The following CENPW variants were observed in gnomAD, a reference collection of about 807,000 sequenced individuals.
CENPW encodes the protein centromere protein W.
Under a neutral mutation model 11.1 loss-of-function variants are expected in CENPW, and 3 were observed. The ratio of observed to expected loss-of-function variants is 0.27; its 90% confidence interval spans 0.12 to 0.70. The LOEUF is 0.70. CENPW is among the 30% of genes least tolerant of loss of function. The probability of loss-of-function intolerance (pLI) is 0.77; values close to 1 mark genes in which losing one functional copy is unlikely to be tolerated. For synonymous variants in CENPW, 38 were observed against 42.0 expected, an observed-to-expected ratio of 0.91 and a Z score of 0.37; for missense variants, 100 against 105.6, an observed-to-expected ratio of 0.95 and a Z score of 0.23.
At chr6:126,483,012 A>G in the CENPW span, among the ~76,000 whole-genome samples, 9 of 151,978 alleles carry the variant, frequency 5.9e-5, no homozygotes, top group African/African-American at 2.2e-4. Flanking sequence ...TTTCTCACCA[A>G]TGTTTTATGG....
chr6:126,432,896 C>T, the CENPW span, among the ~76,000 whole-genome samples: 1 of 152,238 alleles, frequency 6.6e-6, no homozygotes, highest in East Asian at 1.9e-4. Flanking sequence ...TGTTCTGCTA[C>T]CCTAGATAAG....
chr6:126,459,236 TAG>T, the CENPW span, among the ~76,000 whole-genome samples: 1 of 151,574 alleles, frequency 6.6e-6, no homozygotes, highest in Admixed American at 6.6e-5. Flanking sequence ...GAAACTTTGC[TAG>T]AGAGTCTATA....
the CENPW span, among the ~76,000 whole-genome samples, chr6:126,399,462 A>G: frequency 1.3e-5 from 2 of 152,016 alleles, no homozygotes; most frequent in Non-Finnish European, 2.9e-5. Flanking sequence ...TTAAATAGAA[A>G]ATCTATTTTA....
the CENPW span, among the ~76,000 whole-genome samples, chr6:126,463,752 T>C: frequency 2.0e-5 from 3 of 151,902 alleles, no homozygotes; most frequent in African/African-American, 7.2e-5. Flanking sequence ...CAAGAAGAAA[T>C]AGAAAACAGG....
the CENPW span, among the ~76,000 whole-genome samples, chr6:126,376,229 G>A: frequency 1.5e-3 from 234 of 152,240 alleles, 1 homozygote; most frequent in Non-Finnish European, 2.8e-3. Flanking sequence ...ATATTTTGTG[G>A]TTCACATAAG....
At chr6:126,453,185 C>T in the CENPW span, among the ~76,000 whole-genome samples, 2 of 151,052 alleles carry the variant, frequency 1.3e-5, no homozygotes. Flanking sequence ...GAGAGGCCAA[C>T]ATTCAAATTC....
At chr6:126,405,322 T>C in the CENPW span, among the ~76,000 whole-genome samples, 1 of 152,074 alleles carries the variant, frequency 6.6e-6, no homozygotes, top group African/African-American at 2.4e-5. Flanking sequence ...TGTAGATACA[T>C]GGATTTATTT....
intron 1 of CENPW, 57 bp from the exon 2 acceptor site, chr6:126,346,148 T>C (rs1780404462): frequency 3.4e-6 from 3 of 870,356 alleles, no homozygotes; most frequent in Non-Finnish European, 5.4e-6. Flanking sequence ...TTAAAAATAT[T>C]ATTTCAATGC....
the CENPW span, among the ~76,000 whole-genome samples, chr6:126,361,700 A>G: frequency 6.6e-6 from 1 of 151,574 alleles, no homozygotes; most frequent in African/African-American, 2.4e-5. Flanking sequence ...GGTCACTAGC[A>G]CCACTCTCAT....
chr6:126,415,641 C>A, the CENPW span, among the ~76,000 whole-genome samples: 1 of 152,228 alleles, frequency 6.6e-6, no homozygotes, highest in South Asian at 2.1e-4. Flanking sequence ...GTAATTGAAT[C>A]TTGAGGGCAG....
At chr6:126,414,051 TAAAAGACTAAA>T in the CENPW span, among the ~76,000 whole-genome samples, 2 of 151,906 alleles carry the variant, frequency 1.3e-5, no homozygotes, top group Non-Finnish European at 2.9e-5. Flanking sequence ...AAGCTTTAAG[TAAAAGACTAAA>T]AAAAGACTAA....
chr6:126,422,262 A>C, the CENPW span, among the ~76,000 whole-genome samples: 3 of 152,152 alleles, frequency 2.0e-5, no homozygotes, highest in Non-Finnish European at 4.4e-5. Flanking sequence ...GTAATCCTAT[A>C]TTAACCTAGT....
chr6:126,462,670 C>A, the CENPW span, among the ~76,000 whole-genome samples: 3 of 151,470 alleles, frequency 2.0e-5, no homozygotes, highest in Non-Finnish European at 2.9e-5. Flanking sequence ...CAGACTGAGA[C>A]CAATATACAA....
chr6:126,394,831 C>G, the CENPW span, among the ~76,000 whole-genome samples: 1 of 151,216 alleles, frequency 6.6e-6, no homozygotes, highest in Non-Finnish European at 1.5e-5. Context: ...ATATACTATT[C>G]TATACTAAAA....
chr6:126,462,012 T>A, the CENPW span, among the ~76,000 whole-genome samples: 1 of 151,950 alleles, frequency 6.6e-6, no homozygotes, highest in Admixed American at 6.6e-5. Flanking sequence ...ATTAGAAACT[T>A]AGTATGCTAT....
intron 1 of CENPW, among the ~76,000 whole-genome samples, chr6:126,342,809 C>T (rs1039017633): frequency 2.0e-5 from 3 of 152,098 alleles, no homozygotes; most frequent in African/African-American, 7.2e-5. Flanking sequence ...ATAGCTTCAA[C>T]ATTCTGAGTC....
the CENPW span, among the ~76,000 whole-genome samples, chr6:126,468,747 A>G: frequency 1.3e-5 from 2 of 152,182 alleles, no homozygotes; most frequent in African/African-American, 4.8e-5. Flanking sequence ...TAAGACTTAC[A>G]TTGGAATAAC....
chr6:126,434,230 A>G, the CENPW span, among the ~76,000 whole-genome samples: 2 of 152,178 alleles, frequency 1.3e-5, no homozygotes, highest in African/African-American at 2.4e-5. Context: ...CTTGATACCA[A>G]CATGAAACTT....
the CENPW span, among the ~76,000 whole-genome samples, chr6:126,393,449 GC>G: frequency 2.6e-5 from 4 of 151,198 alleles, no homozygotes; most frequent in Non-Finnish European, 5.9e-5. Flanking sequence ...GTAATGTTTA[GC>G]TGTATCCCAT....
Sources: allele counts gnomAD v4.1 joint callset (sites outside exome capture counted in the v4.1 genomes callset), GRCh38; gene constraint gnomAD v4.1.1; transcripts MANE v1.5; gene names NCBI Gene and HGNC (gene_info 2026-07-23, HGNC 2026-07-21).